ZPR1: variants seen among roughly 807,000 people sequenced by gnomAD.
ZPR1 encodes the protein zinc finger protein ZPR1.
ZPR1 carries 37 observed loss-of-function variants against 59.6 expected under a neutral mutation model. The observed-to-expected ratio is 0.62, with a 90% CI of 0.48 to 0.82. ZPR1 has a LOEUF of 0.82. ZPR1 is among the 40% of genes least tolerant of loss of function. The pLI is 0.00. For missense variants in ZPR1, 527 were observed against 579.9 expected (o/e 0.91, Z 0.94); for synonymous variants, 191 against 215.2 (o/e 0.89, Z 0.99).
intron 8 of ZPR1, 94 bp from the exon 9 acceptor site, chr11:116,784,542 C>T: frequency 8.2e-7 from 1 of 1,220,950 alleles, no homozygotes; most frequent in Non-Finnish European, 1.2e-6. Context: ...ATATGCTGGT[C>T]CCAGAACTGC....
At position 116,779,803 on chromosome 11, in the gene ZPR1, A is replaced by C. The variant is rs1431477613; in HGVS notation, c.1214T>G (p.Met405Arg). 6.3e-7 allele frequency: 1 copy of C among 1,598,072 alleles called. No individual in the cohort carries two copies. Among genetic ancestry groups the C allele is most frequent in the South Asian group, 1.1e-5 (1 of 89,572 alleles). Reference protein sequence around the residue: ...IEGNMKAHFIMDDPAGNSYLQ... With the variant: ...IEGNMKAHFIRDDPAGNSYLQ... ...GTAACTGTTTCCTGCTGGATCATCC[A>C]TAATAAAGTGGGCCTTCATGTTACC... The change falls in exon 13 of 14, where the codon ATG becomes AGG. Residue 405 changes from methionine to arginine, a missense_variant. Physicochemically the swap from Met to Arg is moderately conservative, Grantham distance 91. Transcript: ENST00000227322.
intron 9 of ZPR1, among the ~76,000 whole-genome samples, 195 bp from the exon 10 acceptor site, chr11:116,783,814 C>A (rs567796587): frequency 2.1e-5 from 3 of 142,674 alleles, no homozygotes; most frequent in African/African-American, 8.0e-5. Flanking sequence ...ACCCTGGTAA[C>A]GTGCCAAAAC....
intron 7 of ZPR1, 47 bp downstream of exon 7, chr11:116,785,052 C>T: frequency 6.2e-7 from 1 of 1,612,222 alleles, no homozygotes; most frequent in South Asian, 1.1e-5. Flanking sequence ...GCATCAGTCT[C>T]AGCCCACAAC....
intron 3 of ZPR1, 71 bp from the exon 4 acceptor site, chr11:116,786,652 G>C: frequency 7.4e-7 from 1 of 1,347,204 alleles, no homozygotes; most frequent in Non-Finnish European, 1.1e-6. Flanking sequence ...TATGACCCTG[G>C]GCAATTCACT....
chr11:116,782,348 C>T, intron 11 of ZPR1, 104 bp from the exon 12 acceptor site: 1 of 987,716 alleles, frequency 1.0e-6, no homozygotes. Context: ...GTCAGGGAAA[C>T]TTGGTTTCCA....
chr11:116,787,510 C>T lies in ZPR1; in HGVS notation c.305G>A (p.Arg102His), dbSNP rs138417893. 1 of 1,614,112 alleles carries T rather than the reference C, an allele frequency of 6.2e-7. No homozygotes were observed. The highest frequency in any genetic ancestry group is 8.5e-7 in the Non-Finnish European group (1 of 1,179,994). Residue 102 changes from arginine (R) to histidine (H), a missense_variant, in exon 2 of 14, where the codon CGC becomes CAC. Physicochemically the swap from Arg to His is conservative, Grantham distance 29. Coordinates refer to ENST00000227322, the MANE Select transcript of ZPR1 (RefSeq NM_003904.5). ...CAGAGCCCTGACAGACAAAGTGTAGCGCACTCCCTGGTCCTGGATCCTGCC... is the reference window on the plus strand; with the variant it reads ...CAGAGCCCTGACAGACAAAGTGTAGTGCACTCCCTGGTCCTGGATCCTGCC... ...SAGRIQDQGV[R>H]YTLSVRALED...
In ZPR1 at chr11:116,784,452, G is replaced by T; in HGVS notation, c.821-4C>A. 1 of 1,614,076 alleles carries T rather than the reference G, an allele frequency of 6.2e-7. No individual in the cohort carries two copies. Among genetic ancestry groups the T allele is most frequent in the Non-Finnish European group, 8.5e-7 (1 of 1,179,956 alleles). The stretch of plus-strand genomic sequence containing the variant: ...ACCTCCTTAAAGTGAGGGATTTCTG[G>T]AAAACGGAGTTAAGGAAATCTACTT... On this transcript the variant is annotated splice_region_variant and splice_polypyrimidine_tract_variant and intron_variant, in intron 8 of 13. Transcript: ENST00000227322.
In ZPR1 at chr11:116,776,238, T is replaced by C. The variant is rs1034091626; in HGVS notation, c.*2687A>G. On this transcript the variant is annotated 3_prime_UTR_variant, in exon 14 of 14. Transcript: ENST00000227322. Reference sequence around the variant, plus strand: ...TCATGCATGAACCACTTTCCTTTTTTAACACAATCACAAACCTTTTCCACT... The same window carrying C: ...TCATGCATGAACCACTTTCCTTTTTCAACACAATCACAAACCTTTTCCACT... 3.3e-5 allele frequency: 5 copies of C among 152,228 alleles called. No individual in the cohort carries two copies. The highest frequency in any genetic ancestry group is 2.0e-4 in the Admixed American group (3 of 15,284). 9.4% of individuals were successfully genotyped at this position (152,228 alleles called of 1,614,324 possible). A position where few individuals can be genotyped will look rare whatever the true frequency, so the allele number is the denominator to read the frequency against.
chr11:116,784,923 TG>T lies in ZPR1; in HGVS notation c.754-3del. The T allele has an allele frequency of 6.2e-7, 1 of 1,614,138 alleles. No individual in the cohort carries two copies. Among genetic ancestry groups the T allele is most frequent in the Non-Finnish European group, 8.5e-7 (1 of 1,180,000 alleles). On this transcript the variant is annotated splice_polypyrimidine_tract_variant and splice_region_variant and intron_variant, in intron 7 of 13. Transcript: ENST00000227322. ...GCAGTTTGTGCTGAACTGGAGCACC[TG>T]GAACACAACATGAGGACAAAGGGTG...
At chr11:116,786,610 G>A (rs1478743058) in intron 3 of ZPR1, 29 bp from the exon 4 acceptor site, 12 of 1,597,936 alleles carry the variant, frequency 7.5e-6, no homozygotes, top group Non-Finnish European at 8.6e-6. Context: ...AGACAAGTGT[G>A]ACTTAGCCTC....
chr11:116,784,242 T>C (rs1281599515), intron 9 of ZPR1, 136 bp downstream of exon 9: 12 of 786,366 alleles, frequency 1.5e-5, no homozygotes, highest in Non-Finnish European at 2.1e-5. Flanking sequence ...CTCATCACCC[T>C]GCACTAGACC....
At chr11:116,780,508 G>T (rs1450752105) in intron 12 of ZPR1, among the ~76,000 whole-genome samples, 1 of 151,258 alleles carries the variant, frequency 6.6e-6, no homozygotes, top group East Asian at 2.0e-4. Flanking sequence ...TCCACAGCTT[G>T]CTGATGTTGG....
Position 116,774,130 on chromosome 11 carries a change from C to T in ZPR1, c.*4795G>A, listed in dbSNP as rs997266806. 3 of 152,070 alleles carry T rather than the reference C, an allele frequency of 2.0e-5. No homozygotes were observed. The highest frequency in any genetic ancestry group is 7.3e-5 in the African/African-American group (3 of 41,378). 9.4% of individuals were successfully genotyped at this position (152,070 alleles called of 1,614,324 possible). On this transcript the variant is annotated 3_prime_UTR_variant, in exon 14 of 14. Transcript: ENST00000227322. The stretch of plus-strand genomic sequence containing the variant: ...AAAAATTATATATATTCAAGGTGTA[C>T]AATGTGATGACTGGATATAATTATA...
intron 4 of ZPR1, 37 bp from the exon 5 acceptor site, chr11:116,785,919 G>A (rs1399834216): frequency 1.3e-6 from 2 of 1,583,150 alleles, no homozygotes; most frequent in Non-Finnish European, 8.7e-7. Flanking sequence ...AGCCCTGGTG[G>A]TGTACCTTAT....
chr11:116,786,675 G>A, intron 3 of ZPR1, 94 bp from the exon 4 acceptor site: 1 of 1,087,022 alleles, frequency 9.2e-7, no homozygotes, highest in South Asian at 1.3e-5. Flanking sequence ...AACTCTCTGG[G>A]TCTTAATTTC....
rs776551748 is a variant in ZPR1, at chr11:116,783,566, G to A, written c.945C>T (p.Ile315=). The change falls in exon 10 of 14, where the codon ATC becomes ATT. Residue 315 remains isoleucine (I), a synonymous_variant. Transcript: ENST00000227322. ...EPLGTRITLH[I]TDASDMTRDL... ...CTCTGGTCATATCTGAGGCATCTGT[G>A]ATGTGGAGGGTGATCCTGGTGCCCA... 6.2e-7 allele frequency: 1 copy of A among 1,614,078 alleles called. No individual in the cohort carries two copies. Among genetic ancestry groups the A allele is most frequent in the Admixed American group, 1.7e-5 (1 of 60,010 alleles).
chr11:116,787,868 C>G lies in ZPR1; in HGVS notation c.123G>C (p.Glu41Asp), dbSNP rs966494072. Residue 41 changes from glutamate to aspartate, a missense_variant, in exon 1 of 14, where the codon GAG (glutamate) becomes GAC (aspartate). Physicochemically the swap from Glu to Asp is conservative, Grantham distance 45. Coordinates refer to ENST00000227322, the MANE Select transcript of ZPR1 (RefSeq NM_003904.5). ...GCGACTCGATCTCGGTGGGCTGCTG[C>G]TCCTCGTCCTCGGCGCTGATGGGCC... ...LFRPISAEDE[E>D]QQPTEIESLC... is the part of the protein sequence containing the mutation. 42 of 1,540,724 alleles carry G rather than the reference C, an allele frequency of 2.7e-5. No homozygotes were observed. The highest frequency in any genetic ancestry group is 3.4e-5 in the Non-Finnish European group (39 of 1,144,748).
chr11:116,784,593 A>G, intron 8 of ZPR1, 145 bp from the exon 9 acceptor site: 2 of 894,900 alleles, frequency 2.2e-6, no homozygotes, highest in East Asian at 2.6e-5. Flanking sequence ...GTCCTCCAGA[A>G]GAGGGCAAGT....
intron 2 of ZPR1, 102 bp from the exon 3 acceptor site, chr11:116,787,161 C>CTGA: frequency 9.5e-7 from 1 of 1,057,976 alleles, no homozygotes; most frequent in Non-Finnish European, 1.5e-6. Context: ...GCCCAGCTGT[C>CTGA]TCTCCCTCTC....
Sources: gnomAD v4.1 joint callset for allele counts (sites outside exome capture counted in the v4.1 genomes callset) on GRCh38, gnomAD v4.1.1 for gene constraint, MANE v1.5 for transcripts, NCBI Gene and HGNC (gene_info 2026-07-23, HGNC 2026-07-21) for gene names.